Variants in RGSL1 observed in about 807,000 individuals in gnomAD.
The protein encoded by RGSL1 is regulator of G protein signaling like 1, also known as regulator of G protein signaling protein-like.
In RGSL1, 97 loss-of-function variants were observed where a neutral mutation model predicts 124.7. The ratio of observed to expected loss-of-function variants is 0.78; its 90% CI spans 0.66 to 0.92. The LOEUF (loss-of-function observed/expected upper bound fraction) is 0.92. Among genes scored for constraint, RGSL1 ranks in the 40% least tolerant of loss-of-function variants. RGSL1 has a pLI of 0.00. For synonymous variants in RGSL1, 424 were observed against 438.1 expected (o/e 0.97, Z 0.40); for missense variants, 1,233 against 1,288.4 (o/e 0.96, Z 0.66).
intron 3 of RGSL1, among the ~76,000 whole-genome samples, chr1:182,459,302 ACTATGTAGAC>A: frequency 6.6e-6 from 1 of 150,760 alleles, no homozygotes; most frequent in Non-Finnish European, 1.5e-5. Flanking sequence ...TTCCTTTTCC[ACTATGTAGAC>A]CTTAGACTTA....
At chr1:182,460,748 C>T (rs948940075) in intron 4 of RGSL1, 4 of 455,658 alleles carry the variant, frequency 8.8e-6, no homozygotes, top group Non-Finnish European at 8.8e-6. Context: ...CTGGCAGAAT[C>T]TGTATGATGT....
chr1:182,515,424 T>A (rs1657790964), intron 9 of RGSL1, among the ~76,000 whole-genome samples: 1 of 151,948 alleles, frequency 6.6e-6, no homozygotes, highest in Non-Finnish European at 1.5e-5. Flanking sequence ...CGGATCTGTT[T>A]AGATTAAGTC....
chr1:182,518,102 C>T (rs1397410201), intron 9 of RGSL1, among the ~76,000 whole-genome samples: 2 of 152,076 alleles, frequency 1.3e-5, no homozygotes, highest in African/African-American at 4.8e-5. Context: ...TGCAGTGGTA[C>T]AAACATGGCT....
At chr1:182,468,762 T>A (rs1653565021) in intron 4 of RGSL1, among the ~76,000 whole-genome samples, 2 of 151,192 alleles carry the variant, frequency 1.3e-5, no homozygotes, top group Non-Finnish European at 2.9e-5. Flanking sequence ...TAAAGTATAA[T>A]AAAAATAAAA....
chr1:182,539,148 G>T (rs1659731437), intron 14 of RGSL1, among the ~76,000 whole-genome samples: 1 of 152,070 alleles, frequency 6.6e-6, no homozygotes, highest in Non-Finnish European at 1.5e-5. Flanking sequence ...ATACAAATTA[G>T]GTCTCCCCCT....
chr1:182,508,651 T>C (rs939544061), intron 9 of RGSL1, among the ~76,000 whole-genome samples: 1 of 146,038 alleles, frequency 6.8e-6, no homozygotes, highest in Non-Finnish European at 1.5e-5. Flanking sequence ...GAGCATTTTT[T>C]CATATACCTA....
At chr1:182,547,771 G>A (rs1660308137) in intron 15 of RGSL1, among the ~76,000 whole-genome samples, 1 of 152,154 alleles carries the variant, frequency 6.6e-6, no homozygotes, top group Admixed American at 6.5e-5. Context: ...TGAGGCAGGA[G>A]AATGGCATGA....
At chr1:182,500,288 C>T (rs1044845906) in intron 9 of RGSL1, among the ~76,000 whole-genome samples, 14 of 152,092 alleles carry the variant, frequency 9.2e-5, no homozygotes, top group South Asian at 4.1e-4. Context: ...CCCCATTGAA[C>T]GGTGTAGACA....
At chr1:182,555,307 G>C (rs1660802350) in intron 20 of RGSL1, 1 of 154,142 alleles carries the variant, frequency 6.5e-6, no homozygotes, top group Non-Finnish European at 1.4e-5. Flanking sequence ...TGCTGCAAAA[G>C]ACATGATTTT....
chr1:182,483,432 G>T (rs1654860473), intron 6 of RGSL1, among the ~76,000 whole-genome samples: 1 of 151,590 alleles, frequency 6.6e-6, no homozygotes, highest in South Asian at 2.1e-4. Flanking sequence ...CCTTAATAAA[G>T]GACTTAAAAA....
At chr1:182,506,449 G>A (rs1656810770) in intron 9 of RGSL1, among the ~76,000 whole-genome samples, 1 of 152,186 alleles carries the variant, frequency 6.6e-6, no homozygotes, top group East Asian at 1.9e-4. Flanking sequence ...ATTGTTAGAT[G>A]CAAGCAAATA....
chr1:182,507,931 G>C (rs148919366), intron 9 of RGSL1, among the ~76,000 whole-genome samples: 1 of 151,888 alleles, frequency 6.6e-6, no homozygotes, highest in African/African-American at 2.4e-5. Flanking sequence ...TCGAACTCCC[G>C]GGCTCAAACA....
At chr1:182,461,096 G>T (rs531365954) in intron 4 of RGSL1, among the ~76,000 whole-genome samples, 2 of 152,050 alleles carry the variant, frequency 1.3e-5, no homozygotes, top group East Asian at 3.9e-4. Flanking sequence ...ATTTTTAGGG[G>T]ATTTACAGAG....
In RGSL1 at chr1:182,473,938, G is replaced by C; in HGVS notation, c.827G>C (p.Gly276Ala). ...LEMDLKPDAI[G>A]MPLQETCPQE... ...ATGGATCTCAAGCCAGATGCTATTGGTATGCCCCTACAGGAGACATGTCCT... is the reference window on the plus strand; with the variant it reads ...ATGGATCTCAAGCCAGATGCTATTGCTATGCCCCTACAGGAGACATGTCCT... The change falls in exon 6 of 22, where the codon GGT (glycine) becomes GCT (alanine). Residue 276 changes from glycine (G) to alanine (A), a missense_variant. Physicochemically the swap from Gly to Ala is moderately conservative, Grantham distance 60 (BLOSUM62 0). Coordinates refer to ENST00000294854, the MANE Select transcript of RGSL1 (RefSeq NM_001137669.2). 1 of 1,552,058 alleles carries C rather than the reference G, an allele frequency of 6.4e-7. No individual in the cohort carries two copies. Among genetic ancestry groups the C allele is most frequent in the Non-Finnish European group, 8.7e-7 (1 of 1,147,064 alleles).
rs1483894452 is a variant in RGSL1 at position 182,460,005 on chromosome 1, T to C, written c.173T>C (p.Ile58Thr). Reference protein sequence around the residue: ...SLWPEIPCNLIAKYKGLLTWL... With the variant: ...SLWPEIPCNLTAKYKGLLTWL... ...GTTTCTATTTTGCTTTGACTCTAGA[T>C]TGCCAAATACAAAGGGTTATTGACC... Residue 58 changes from isoleucine to threonine, a missense_variant and splice_region_variant, in exon 4 of 22, where the codon ATT becomes ACT. By Grantham distance (89) the Ile-to-Thr change is moderately conservative. Coordinates refer to ENST00000294854, the MANE Select transcript of RGSL1 (RefSeq NM_001137669.2). 1.3e-6 allele frequency: 2 copies of C among 1,550,138 alleles called. No homozygotes were observed. The highest frequency in any genetic ancestry group is 2.4e-5 in the South Asian group (2 of 83,596).
chr1:182,478,392 G>C (rs1351518241), intron 6 of RGSL1, among the ~76,000 whole-genome samples: 1 of 152,136 alleles, frequency 6.6e-6, no homozygotes, highest in Admixed American at 6.6e-5. Context: ...TCCTGGAGCT[G>C]ACAAATATAA....
chr1:182,495,606 G>A (rs1282567045), intron 9 of RGSL1, among the ~76,000 whole-genome samples: 3 of 152,148 alleles, frequency 2.0e-5, no homozygotes, highest in Non-Finnish European at 2.9e-5. Flanking sequence ...CGCCGCCAAA[G>A]TTCTGCTTAT....
intron 4 of RGSL1, among the ~76,000 whole-genome samples, chr1:182,470,504 C>A (rs1653744983): frequency 6.6e-6 from 1 of 152,188 alleles, no homozygotes; most frequent in South Asian, 2.1e-4. Flanking sequence ...TCCGTAGATA[C>A]TCACATGGCT....
At chr1:182,523,883 G>A (rs1426596718) in intron 10 of RGSL1, among the ~76,000 whole-genome samples, 1 of 152,162 alleles carries the variant, frequency 6.6e-6, no homozygotes, top group South Asian at 2.1e-4. Context: ...AGTGAAAGGA[G>A]AGAGAAATTT....
Sources: allele counts gnomAD v4.1 joint callset (sites outside exome capture counted in the v4.1 genomes callset), GRCh38; gene constraint gnomAD v4.1.1; transcripts MANE v1.5; gene names NCBI Gene and HGNC (gene_info 2026-07-23, HGNC 2026-07-21).